The following SMYD4 variants were observed in gnomAD, a reference collection of about 807,000 sequenced individuals.
SMYD4 encodes protein-lysine N-methyltransferase SMYD4.
Under a neutral mutation model 72.8 loss-of-function variants are expected in SMYD4, and 68 were observed. The observed-to-expected ratio is 0.93, with a 90% CI of 0.77 to 1.14. The LOEUF is 1.14. SMYD4 is among the 50% of genes most tolerant of loss of function. The pLI is 0.00. For missense variants in SMYD4, 984 were observed against 1,003.7 expected (o/e 0.98, Z 0.27); for synonymous variants, 407 against 388.6 (o/e 1.05, Z -0.56).
chr17:1,782,355 C>G (rs1334473911), intron 10 of SMYD4: 5 of 151,982 alleles, frequency 3.3e-5, no homozygotes, highest in African/African-American at 1.2e-4. Context: ...GCAGCACCCC[C>G]CTTCCAAGTC....
intron 2 of SMYD4, among the ~76,000 whole-genome samples, chr17:1,826,210 G>A (rs1294569980): frequency 6.6e-6 from 1 of 151,996 alleles, no homozygotes; most frequent in Non-Finnish European, 1.5e-5. Flanking sequence ...ATGCACTGGG[G>A]GGCCGGGCGC....
At chr17:1,784,495 C>A (rs748380816) in intron 7 of SMYD4, 34 bp from the exon 8 acceptor site, 1 of 1,612,856 alleles carries the variant, frequency 6.2e-7, no homozygotes, top group South Asian at 1.1e-5. Flanking sequence ...ATTCCAATGC[C>A]AGGGTCAGTT....
chr17:1,819,348 CTA>C (rs1910782013), intron 2 of SMYD4, among the ~76,000 whole-genome samples: 1 of 152,136 alleles, frequency 6.6e-6, no homozygotes, highest in Non-Finnish European at 1.5e-5. Flanking sequence ...CAGAGAGAGA[CTA>C]CGTCTCAGAA....
chr17:1,792,814 T>C (rs1052084237), intron 5 of SMYD4, among the ~76,000 whole-genome samples: 3 of 152,158 alleles, frequency 2.0e-5, no homozygotes, highest in African/African-American at 7.2e-5. Flanking sequence ...ATAGAATCCA[T>C]CTACCGTAAA....
chr17:1,800,441 C>G lies in SMYD4; in HGVS notation c.953G>C (p.Cys318Ser). 6.2e-7 allele frequency: 1 copy of G among 1,614,182 alleles called. No individual in the cohort carries two copies. Among genetic ancestry groups the G allele is most frequent in the Non-Finnish European group, 8.5e-7 (1 of 1,180,044 alleles). ...PCDGCSYAKY[C>S]SQECLQQAWE... ...GGCCTGCTGCAAACACTCCTGGCTG[C>G]AATACTTGGCATAACTGCATCCGTC... Residue 318 changes from cysteine (C) to serine (S), a missense_variant, in exon 5 of 11, where the codon TGC (cysteine) becomes TCC (serine). Cys to Ser is a moderately radical substitution (Grantham distance 112). Transcript: ENST00000305513.
At chr17:1,804,392 G>A (rs192470444) in intron 4 of SMYD4, 1 of 404,592 alleles carries the variant, frequency 2.5e-6, no homozygotes, top group East Asian at 5.0e-5. Flanking sequence ...GGCCACGCTG[G>A]TCTTGAACTC....
chr17:1,826,082 A>G (rs1911152727), intron 2 of SMYD4, among the ~76,000 whole-genome samples: 1 of 152,240 alleles, frequency 6.6e-6, no homozygotes, highest in Non-Finnish European at 1.5e-5. Context: ...TAACTTACAT[A>G]GCAAAGAACT....
At chr17:1,789,764 C>CCAAAAAAACAAAA (rs71150816) in intron 5 of SMYD4, among the ~76,000 whole-genome samples, 1 of 90,098 alleles carries the variant, frequency 1.1e-5, no homozygotes, top group African/African-American at 3.7e-5. Flanking sequence ...GACTCTGTCT[C>CCAAAAAAACAAAA]AAAAAAAAAA....
At chr17:1,795,747 G>GTT (rs368038317) in intron 5 of SMYD4, among the ~76,000 whole-genome samples, 44,142 of 128,336 alleles carry the variant, frequency 0.34, 9,246 homozygotes, top group Non-Finnish European at 0.48. Flanking sequence ...TGGCCCGTGA[G>GTT]TTTTTTTTTT....
chr17:1,794,101 ATATATT>A (rs1468038183), intron 5 of SMYD4, among the ~76,000 whole-genome samples: 2 of 16,778 alleles, frequency 1.2e-4, no homozygotes, highest in African/African-American at 3.8e-4. Context: ...ATATATATAT[ATATATT>A]TTTTTTTTTT....
At chr17:1,801,924 C>T (rs1268882237) in intron 4 of SMYD4, among the ~76,000 whole-genome samples, 2 of 151,870 alleles carry the variant, frequency 1.3e-5, no homozygotes, top group African/African-American at 2.4e-5. Context: ...TGCAGCGAGC[C>T]GAGATCATGC....
chr17:1,805,154 C>T (rs748460462), intron 3 of SMYD4, among the ~76,000 whole-genome samples: 10 of 152,218 alleles, frequency 6.6e-5, no homozygotes, highest in East Asian at 3.9e-4. Context: ...CAGTGGCTCA[C>T]GTCTGTAATT....
intron 3 of SMYD4, among the ~76,000 whole-genome samples, 185 bp from the exon 4 acceptor site, chr17:1,804,900 C>A (rs549718266): frequency 3.3e-5 from 5 of 152,210 alleles, no homozygotes; most frequent in Admixed American, 6.6e-5. Context: ...GTGAGGACAT[C>A]AGTATTAAAA....
chr17:1,785,796 G>GA (rs939294373), intron 7 of SMYD4, among the ~76,000 whole-genome samples: 94 of 143,664 alleles, frequency 6.5e-4, no homozygotes, highest in African/African-American at 2.5e-3. Flanking sequence ...AAAACTAATA[G>GA]AAAAAGGTGC....
intron 7 of SMYD4, 171 bp from the exon 8 acceptor site, chr17:1,784,632 C>T (rs1026565725): frequency 4.3e-6 from 4 of 938,622 alleles, no homozygotes; most frequent in Admixed American, 6.2e-5. Flanking sequence ...GCGGCAATGG[C>T]GGCAATTCTA....
chr17:1,791,051 C>T (rs954862676), intron 5 of SMYD4, among the ~76,000 whole-genome samples: 2 of 137,700 alleles, frequency 1.5e-5, no homozygotes, highest in South Asian at 2.3e-4. Flanking sequence ...GGAGTGAACC[C>T]GGGAGGTGGA....
At chr17:1,828,441 T>A (rs186881176) in intron 1 of SMYD4, among the ~76,000 whole-genome samples, 69 of 152,064 alleles carry the variant, frequency 4.5e-4, no homozygotes, top group African/African-American at 1.5e-3. Flanking sequence ...CTAGTTTATA[T>A]GCTAAGGAAG....
At chr17:1,801,145 C>A in intron 4 of SMYD4, 121 bp from the exon 5 acceptor site, 2 of 841,584 alleles carry the variant, frequency 2.4e-6, no homozygotes, top group Non-Finnish European at 3.7e-6. Flanking sequence ...CAATTACAAC[C>A]ACATGCTTAT....
intron 2 of SMYD4, among the ~76,000 whole-genome samples, chr17:1,817,194 C>A (rs9915851): frequency 6.6e-6 from 1 of 152,002 alleles, no homozygotes; most frequent in Non-Finnish European, 1.5e-5. Flanking sequence ...CGCACCACCA[C>A]GCCTGGCTAA....
Sources: allele counts gnomAD v4.1 joint callset (sites outside exome capture counted in the v4.1 genomes callset), GRCh38; gene constraint gnomAD v4.1.1; transcripts MANE v1.5; gene names NCBI Gene and HGNC (gene_info 2026-07-23, HGNC 2026-07-21).